The following DAOA variants were observed in gnomAD, a reference collection of about 807,000 sequenced individuals.
The protein encoded by DAOA is D-amino acid oxidase activator.
A neutral mutation model predicts 16.4 loss-of-function variants in DAOA; 15 were observed. The observed-to-expected ratio is 0.91, with a 90% confidence interval of 0.61 to 1.41. The LOEUF (loss-of-function observed/expected upper bound fraction) is 1.41. DAOA is among the 40% of genes most tolerant of loss of function. The pLI, the probability that DAOA is intolerant of heterozygous loss-of-function variation, is 0.00. For synonymous variants in DAOA, 75 were observed against 59.1 expected, an observed-to-expected ratio of 1.27 and a Z score of -1.23; for missense variants, 230 against 176.8, an observed-to-expected ratio of 1.30 and a Z score of -1.71.
rs763735781 is a variant in DAOA, at chr13:105,490,107, A to G, written c.*26A>G. On this transcript the variant is annotated 3_prime_UTR_variant, in exon 5 of 6. Coordinates refer to ENST00000375936, the MANE Select transcript of DAOA (RefSeq NM_172370.5). ...GTTTGGAAGCAGATTCTTCCCAGCC[A>G]ATCCTTCTGATGACAATGTAGTCTG... The G allele has an allele frequency of 3.9e-6, 6 of 1,538,282 alleles. No homozygotes were observed. In the South Asian group the frequency reaches 6.1e-5, roughly 16 times the overall value.
At chr13:105,476,865 C>T (rs1446372169) in intron 4 of DAOA, among the ~76,000 whole-genome samples, 1 of 152,054 alleles carries the variant, frequency 6.6e-6, no homozygotes, top group African/African-American at 2.4e-5. Flanking sequence ...TCCTTCACCC[C>T]CTACAGAGCC....
chr13:105,468,117 C>T (rs1179694661), intron 3 of DAOA, among the ~76,000 whole-genome samples: 3 of 152,136 alleles, frequency 2.0e-5, no homozygotes, highest in Non-Finnish European at 4.4e-5. Context: ...CAGCATCCCC[C>T]TCTCTAAGCA....
intron 3 of DAOA, among the ~76,000 whole-genome samples, chr13:105,471,763 C>CT (rs11409346): frequency 0.98 from 149,389 of 152,296 alleles, 73,316 homozygotes; most frequent in East Asian, 1. Flanking sequence ...ACTGGACACT[C>CT]CTTTGCATTT....
In DAOA at chr13:105,487,110, C is replaced by T. The variant is rs562514412; in HGVS notation, c.282-2791C>T. The stretch of plus-strand genomic sequence containing the variant: ...GGAAAAGGAGAGAGAACAGAGAACC[C>T]GTGAAAGCCAGCAGAGGGTAGAGAA... On this transcript the variant is annotated intron_variant, in intron 4 of 5. Transcript: ENST00000375936. Among the ~76,000 whole-genome samples, 374 of 152,172 alleles carry T rather than the reference C, an allele frequency of 2.5e-3. 1 individual carries two copies. The highest frequency in any genetic ancestry group is 3.2e-3 in the African/African-American group (133 of 41,520).
intron 4 of DAOA, among the ~76,000 whole-genome samples, chr13:105,484,643 G>A (rs145204931): frequency 0.01 from 1,527 of 152,114 alleles, 20 homozygotes; most frequent in African/African-American, 0.035. Flanking sequence ...TGATTTTAAT[G>A]TTATATATTA....
intron 4 of DAOA, among the ~76,000 whole-genome samples, chr13:105,486,307 C>T (rs955043772): frequency 1.3e-5 from 2 of 152,202 alleles, no homozygotes; most frequent in East Asian, 3.9e-4. Flanking sequence ...AGTTGTCCTA[C>T]ACCCTGCCCC....
At chr13:105,482,183 C>A (rs1370359631) in intron 4 of DAOA, among the ~76,000 whole-genome samples, 2 of 152,146 alleles carry the variant, frequency 1.3e-5, no homozygotes, top group Admixed American at 1.3e-4. Context: ...ATTGTGGAAA[C>A]TACAATTCAA....
intron 4 of DAOA, among the ~76,000 whole-genome samples, chr13:105,483,685 AT>A (rs201367437): frequency 1.3e-5 from 2 of 150,674 alleles, no homozygotes; most frequent in Non-Finnish European, 3.0e-5. Context: ...GCTCATTTTT[AT>A]TTTTTTTCTC....
intron 3 of DAOA, among the ~76,000 whole-genome samples, chr13:105,471,610 C>A (rs187598456): frequency 6.6e-6 from 1 of 152,182 alleles, no homozygotes; most frequent in East Asian, 1.9e-4. Flanking sequence ...TAAGCTCATA[C>A]AGATGTATCA....
rs1566370969 is a variant in DAOA, at chr13:105,466,347, G to T, written c.44+15G>T. 3.1e-6 allele frequency: 5 copies of T among 1,613,912 alleles called. No individual in the cohort carries two copies. The South Asian group carries it at 4.4e-5, about 14-fold the overall frequency. The stretch of plus-strand genomic sequence containing the variant: ...CAGCTTTTCAGGTAGGTAGCTTGGG[G>T]TTTTTTACAGCATGGCGGCCTCAGT... On this transcript the variant is annotated intron_variant, in intron 2 of 5. Coordinates refer to ENST00000375936, the MANE Select transcript of DAOA (RefSeq NM_172370.5).
At chr13:105,466,533 T>G in intron 2 of DAOA, 2 of 805,362 alleles carry the variant, frequency 2.5e-6, no homozygotes, top group South Asian at 4.3e-5. Flanking sequence ...CAAGGATCAC[T>G]CATGTTAATG....
chr13:105,489,747 G>A (rs988374501), intron 4 of DAOA, 154 bp from the exon 5 acceptor site: 3 of 1,510,672 alleles, frequency 2.0e-6, no homozygotes, highest in Non-Finnish European at 2.7e-6. Context: ...TTGACTTCTT[G>A]GTGGTCACAC....
intron 2 of DAOA, 194 bp downstream of exon 2, chr13:105,466,526 G>A: frequency 4.7e-6 from 4 of 854,496 alleles, no homozygotes; most frequent in Non-Finnish European, 5.2e-6. Context: ...ACCTAGCCAA[G>A]GATCACTCAT....
At chr13:105,477,896 T>C (rs2139185923) in intron 4 of DAOA, among the ~76,000 whole-genome samples, 1 of 152,342 alleles carries the variant, frequency 6.6e-6, no homozygotes, top group South Asian at 2.1e-4. Flanking sequence ...TCTTGAACAT[T>C]AATTATTTCA....
chr13:105,477,950 A>C (rs1877452047), intron 4 of DAOA, among the ~76,000 whole-genome samples: 1 of 152,198 alleles, frequency 6.6e-6, no homozygotes, highest in Non-Finnish European at 1.5e-5. Context: ...GTTATGTTTA[A>C]GACTTTGCCT....
intron 2 of DAOA, among the ~76,000 whole-genome samples, chr13:105,466,760 T>C (rs539442086): frequency 6.6e-6 from 1 of 152,250 alleles, no homozygotes; most frequent in East Asian, 1.9e-4. Context: ...AGGCGCTAGT[T>C]TGGAGATTTT....
At chr13:105,467,583 CTTTTTTTTT>C (rs71114923) in intron 3 of DAOA, 1 of 137,254 alleles carries the variant, frequency 7.3e-6, no homozygotes, top group Non-Finnish European at 1.6e-5. Flanking sequence ...AATTCTTTTT[CTTTTTTTTT>C]TTTTTTTCTG....
chr13:105,483,862 G>A (rs765989418), intron 4 of DAOA, among the ~76,000 whole-genome samples: 1 of 151,638 alleles, frequency 6.6e-6, no homozygotes, highest in South Asian at 2.1e-4. Context: ...ATTTTTTGTT[G>A]TTGCGATTGT....
intron 4 of DAOA, among the ~76,000 whole-genome samples, chr13:105,487,830 A>T (rs984327511): frequency 6.6e-6 from 1 of 152,186 alleles, no homozygotes; most frequent in Non-Finnish European, 1.5e-5. Context: ...TAATTGCCTG[A>T]TATTTATTTC....
Sources: gnomAD v4.1 joint callset for allele counts (sites outside exome capture counted in the v4.1 genomes callset) on GRCh38, gnomAD v4.1.1 for gene constraint, MANE v1.5 for transcripts, NCBI Gene and HGNC (gene_info 2026-07-23, HGNC 2026-07-21) for gene names.